KIAA1217: variants seen among roughly 807,000 people sequenced by gnomAD.
KIAA1217 encodes the protein KIAA1217.
A neutral mutation model predicts 163.9 loss-of-function variants in KIAA1217; 88 were observed. That is an observed-to-expected ratio of 0.54 (90% CI 0.45 to 0.64). The LOEUF is 0.64. Ranked by LOEUF, KIAA1217 falls within the 30% of genes least tolerant of loss-of-function variation. The pLI, the probability that KIAA1217 is intolerant of heterozygous loss-of-function variation, is 0.00. For missense variants in KIAA1217, 2,372 were observed against 2,475.0 expected, an observed-to-expected ratio of 0.96 and a Z score of 0.88; for synonymous variants, 903 against 923.1, an observed-to-expected ratio of 0.98 and a Z score of 0.39.
Position 24,400,729 on chromosome 10 carries a change from A to G in KIAA1217, c.553+19662A>G, listed in dbSNP as rs182786814. Among the ~76,000 whole-genome samples the G allele has an allele frequency of 2.3e-3, 353 of 152,104 alleles. No individual in the cohort carries two copies. In the Middle Eastern group the frequency reaches 0.031, roughly 13 times the overall value. On this transcript the variant is annotated intron_variant, in intron 3 of 20. Transcript: ENST00000376454. ...GAAGAGAGAAATAGTCAACCAGAAT[A>G]TAAATATGAGGAAATCTCACAATCT... is the stretch of plus-strand genomic sequence containing the variant.
At chr10:24,267,146 C>T (rs1041068786) in intron 2 of KIAA1217, among the ~76,000 whole-genome samples, 1 of 152,066 alleles carries the variant, frequency 6.6e-6, no homozygotes, top group African/African-American at 2.4e-5. Context: ...TTTATAATAA[C>T]GAGGTTGAAT....
intron 2 of KIAA1217, among the ~76,000 whole-genome samples, chr10:24,274,493 A>G (rs898383243): frequency 1.3e-5 from 2 of 152,128 alleles, no homozygotes; most frequent in African/African-American, 4.8e-5. Context: ...ATCTAAATAT[A>G]CTTTGTTGTC....
chr10:23,965,530 T>C (rs1337033245), intron 1 of KIAA1217, among the ~76,000 whole-genome samples: 7 of 152,232 alleles, frequency 4.6e-5, no homozygotes, highest in Non-Finnish European at 7.3e-5. Flanking sequence ...TGGAAGGAGC[T>C]AGAGATCACA....
intron 1 of KIAA1217, among the ~76,000 whole-genome samples, chr10:23,892,811 C>A (rs368209157): frequency 1.1e-4 from 16 of 151,914 alleles, no homozygotes; most frequent in Admixed American, 2.6e-4. Context: ...CAAAAATAAA[C>A]CCACAGCTTA....
intron 1 of KIAA1217, among the ~76,000 whole-genome samples, chr10:23,812,580 T>C (rs986100524): frequency 1.3e-5 from 2 of 152,152 alleles, no homozygotes; most frequent in Non-Finnish European, 2.9e-5. Context: ...AATTCAGTAG[T>C]TTTTGGTGTA....
chr10:24,036,325 G>C (rs1184001156), intron 2 of KIAA1217, among the ~76,000 whole-genome samples: 3 of 152,278 alleles, frequency 2.0e-5, no homozygotes, highest in Non-Finnish European at 4.4e-5. Flanking sequence ...GAGGCATCCA[G>C]TCACGAAACT....
chr10:24,234,508 G>A (rs2131162967), intron 2 of KIAA1217, among the ~76,000 whole-genome samples: 1 of 151,802 alleles, frequency 6.6e-6, no homozygotes, highest in East Asian at 1.9e-4. Flanking sequence ...TACTAAAAAT[G>A]CAAAAGTTAG....
In KIAA1217 at chr10:23,885,267, G is replaced by A. The variant is rs1841122210; in HGVS notation, c.-320-121958G>A. Among the ~76,000 whole-genome samples the A allele has an allele frequency of 2.6e-5, 4 of 152,030 alleles. No individual in the cohort carries two copies. The South Asian group carries it at 8.3e-4, about 32-fold the overall frequency. On this transcript the variant is annotated intron_variant, in intron 1 of 18. Coordinates refer to the KIAA1217 transcript ENST00000376462. The stretch of plus-strand genomic sequence containing the variant: ...CTCCTTATATAGTTACTGTGTGTGT[G>A]TGGTGAGAACACTTAAGATCTACTC...
intron 1 of KIAA1217, among the ~76,000 whole-genome samples, chr10:23,699,685 T>G (rs2130698403): frequency 1.3e-5 from 2 of 152,288 alleles, no homozygotes; most frequent in South Asian, 4.2e-4. Flanking sequence ...AGTGCACCAT[T>G]TCAATCATAG....
chr10:24,376,639 G>A (rs2052530969), intron 2 of KIAA1217, among the ~76,000 whole-genome samples: 1 of 152,206 alleles, frequency 6.6e-6, no homozygotes, highest in African/African-American at 2.4e-5. Flanking sequence ...GTACACACCT[G>A]TAGTCCCAGC....
chr10:24,209,477 A>C (rs2067797444), intron 1 of KIAA1217, among the ~76,000 whole-genome samples: 1 of 152,202 alleles, frequency 6.6e-6, no homozygotes, highest in Admixed American at 6.5e-5. Context: ...TTAAGCAGCA[A>C]AAGAGGTGGT....
chr10:24,306,284 A>G (rs1253996814), intron 2 of KIAA1217, among the ~76,000 whole-genome samples: 1 of 152,306 alleles, frequency 6.6e-6, no homozygotes, highest in Non-Finnish European at 1.5e-5. Context: ...GCTTTCCCAA[A>G]TCACCAATAA....
chr10:23,789,896 G>GT (rs1165105155), intron 1 of KIAA1217, among the ~76,000 whole-genome samples: 2 of 146,426 alleles, frequency 1.4e-5, no homozygotes, highest in Non-Finnish European at 3.0e-5. Context: ...TCATATATAT[G>GT]ATATATACAT....
intron 2 of KIAA1217, among the ~76,000 whole-genome samples, chr10:24,337,879 G>A (rs930259567): frequency 6.6e-6 from 1 of 151,990 alleles, no homozygotes; most frequent in Non-Finnish European, 1.5e-5. Context: ...TCCTGACTGC[G>A]TGATCTACCC....
At chr10:24,357,778 G>T (rs949626044) in intron 2 of KIAA1217, among the ~76,000 whole-genome samples, 4 of 152,168 alleles carry the variant, frequency 2.6e-5, no homozygotes, top group African/African-American at 9.7e-5. Flanking sequence ...CAAGGTGTGA[G>T]AGCGACCAAG....
At chr10:23,954,852 T>G (rs1206377670) in intron 1 of KIAA1217, among the ~76,000 whole-genome samples, 3 of 152,108 alleles carry the variant, frequency 2.0e-5, no homozygotes, top group African/African-American at 7.2e-5. Context: ...TGGCATGGCT[T>G]GGATTTGAAC....
At chr10:23,735,407 T>C (rs1474520869) in intron 1 of KIAA1217, among the ~76,000 whole-genome samples, 2 of 152,104 alleles carry the variant, frequency 1.3e-5, no homozygotes, top group Non-Finnish European at 2.9e-5. Context: ...TCTCCAGCAG[T>C]GTATAAGAAT....
intron 1 of KIAA1217, among the ~76,000 whole-genome samples, chr10:23,869,323 C>T (rs562582827): frequency 6.6e-6 from 1 of 151,862 alleles, no homozygotes; most frequent in Non-Finnish European, 1.5e-5. Flanking sequence ...ACTTGAATAA[C>T]ATATTAGGTC....
At chr10:24,403,572 C>T (rs1467024885) in intron 3 of KIAA1217, among the ~76,000 whole-genome samples, 1 of 152,140 alleles carries the variant, frequency 6.6e-6, no homozygotes, top group Non-Finnish European at 1.5e-5. Flanking sequence ...AGACAAGCTA[C>T]AGACTGAGAG....
Sources: allele counts gnomAD v4.1 joint callset (sites outside exome capture counted in the v4.1 genomes callset), GRCh38; gene constraint gnomAD v4.1.1; transcripts MANE v1.5; gene names NCBI Gene and HGNC (gene_info 2026-07-23, HGNC 2026-07-21).